SELENOV: variants seen among roughly 807,000 people sequenced by gnomAD.
SELENOV encodes selenoprotein V.
In SELENOV, 25 loss-of-function variants were observed where a neutral mutation model predicts 21.6. The ratio of observed to expected loss-of-function variants is 1.16; its 90% confidence interval spans 0.84 to 1.62. The LOEUF (loss-of-function observed/expected upper bound fraction) is 1.62, where lower values mean the gene tolerates loss of function less well. Among genes scored for constraint, SELENOV ranks in the 40% most tolerant of loss-of-function variants. The pLI is 0.00. For synonymous variants in SELENOV, 227 were observed against 216.9 expected, an observed-to-expected ratio of 1.05 and a Z score of -0.41; for missense variants, 472 against 459.0, an observed-to-expected ratio of 1.03 and a Z score of -0.26.
intron 1 of SELENOV, 149 bp downstream of exon 1, chr19:39,516,170 C>A: frequency 1.4e-6 from 1 of 734,226 alleles, no homozygotes; most frequent in African/African-American, 1.7e-5. Flanking sequence ...AGATTGGAAA[C>A]CCGCTCTTGT....
intron 1 of SELENOV, among the ~76,000 whole-genome samples, chr19:39,517,148 C>G (rs966598745): frequency 6.6e-6 from 1 of 152,054 alleles, no homozygotes; most frequent in African/African-American, 2.4e-5. Context: ...TGTGAGCCAC[C>G]GTGCCCAGCC....
Position 39,518,606 on chromosome 19 carries a change from AG to A in SELENOV, c.810-1del, listed in dbSNP as rs1294672524. 6.2e-7 allele frequency: 1 copy of A among 1,601,702 alleles called. No homozygotes were observed. Among genetic ancestry groups the A allele is most frequent in the East Asian group, 2.2e-5 (1 of 44,670 alleles). ...CTTTCTCCTCCTGCTCTTGGCCTCC[AG>A]TGGCCTCTGAAGCTATAGCCTTCGG... On this transcript the variant is annotated splice_acceptor_variant, in intron 1 of 5. Coordinates refer to ENST00000335426, the Ensembl canonical transcript of SELENOV. LOFTEE classifies it high-confidence loss of function.
Position 39,515,609 on chromosome 19 carries a change from G to A in SELENOV, c.397G>A (p.Gly133Arg), listed in dbSNP as rs1309224069. 6.5e-7 allele frequency: 1 copy of A among 1,548,612 alleles called. No homozygotes were observed. The highest frequency in any genetic ancestry group is 2.0e-5 in the Admixed American group (1 of 51,000). ...CCCAGCCCCAGCCCAGCTCCTGGCA[G>A]GGATTCGGGCCGCGCTCCCCGTCTT... Residue 133 changes from glycine to arginine, a missense_variant, in exon 1 of 6, where the codon GGG (glycine) becomes AGG (arginine). Physicochemically the swap from Gly to Arg is moderately radical, Grantham distance 125. Transcript: ENST00000335426. This position sits in a 1 kb window ranked among gnomAD's most constrained non-coding sequence, Gnocchi z 5.1.
chr19:39,519,057 C>T lies in SELENOV; in HGVS notation c.964-14C>T, dbSNP rs1480598313. On this transcript the variant is annotated splice_polypyrimidine_tract_variant and intron_variant, in intron 4 of 5. Coordinates refer to ENST00000335426, the Ensembl canonical transcript of SELENOV. Reference sequence around the variant, plus strand: ...GGGTGGGAGACCTGTGTGCTTTCTTCCCTCTGTGCCCAGAGGGGTGATGGC... The same window carrying T: ...GGGTGGGAGACCTGTGTGCTTTCTTTCCTCTGTGCCCAGAGGGGTGATGGC... The T allele has an allele frequency of 6.2e-7, 1 of 1,613,652 alleles. No homozygotes were observed. Among genetic ancestry groups the T allele is most frequent in the Non-Finnish European group, 8.5e-7 (1 of 1,179,736 alleles).
Position 39,515,426 on chromosome 19 carries a change from C to G in SELENOV, c.214C>G (p.Leu72Val). 1 of 1,551,654 alleles carries G rather than the reference C, an allele frequency of 6.4e-7. No homozygotes were observed. Among genetic ancestry groups the G allele is most frequent in the African/African-American group, 1.4e-5 (1 of 73,154 alleles). ...TCCTGCTCCAGCCCAGATTCCCACT[C>G]TGGTCCCCACTCCCGCTCTGGCCCG... Residue 72 changes from leucine to valine, a missense_variant, in exon 1 of 6, where the codon CTG becomes GTG. By Grantham distance (32) the Leu-to-Val change is conservative. Coordinates refer to ENST00000335426, the Ensembl canonical transcript of SELENOV. This position sits in a 1 kb window ranked among gnomAD's most constrained non-coding sequence, Gnocchi z 5.1.
chr19:39,516,144 C>A, intron 1 of SELENOV, 123 bp downstream of exon 1: 1 of 840,380 alleles, frequency 1.2e-6, no homozygotes. Flanking sequence ...GGAAGAGCCC[C>A]AGAGTTCCAG....
Position 39,515,521 on chromosome 19 carries a change from C to T in SELENOV, c.309C>T (p.Val103=). Residue 103 remains valine, a synonymous_variant, in exon 1 of 6, where the codon GTC becomes GTT. Transcript: ENST00000335426. This position sits in a 1 kb window ranked among gnomAD's most constrained non-coding sequence, Gnocchi z 5.1. Reference sequence around the variant, plus strand: ...CTCCGGTGCCGACTCCCGTTCCCGTCCGGAACCCAACTCCGGTCCCGACTC... The same window carrying T: ...CTCCGGTGCCGACTCCCGTTCCCGTTCGGAACCCAACTCCGGTCCCGACTC... 3 of 1,551,000 alleles carry T rather than the reference C, an allele frequency of 1.9e-6. No homozygotes were observed. The highest frequency in any genetic ancestry group is 2.6e-6 in the Non-Finnish European group (3 of 1,146,930).
intron 1 of SELENOV, among the ~76,000 whole-genome samples, chr19:39,517,545 A>C (rs2144774532): frequency 6.6e-6 from 1 of 152,230 alleles, no homozygotes; most frequent in South Asian, 2.1e-4. Flanking sequence ...GGCCTCACTG[A>C]GAAGGGGGTA....
In SELENOV at chr19:39,516,395, C is replaced by G. The variant is rs1298667650; in HGVS notation, c.809+374C>G. 6 of 391,922 alleles carry G rather than the reference C, an allele frequency of 1.5e-5. 1 individual carries two copies. The highest frequency in any genetic ancestry group is 2.9e-5 in the Non-Finnish European group (6 of 206,264). 24.3% of individuals were successfully genotyped at this position (391,922 alleles called of 1,614,324 possible). On this transcript the variant is annotated intron_variant, in intron 1 of 5. Coordinates refer to ENST00000335426, the Ensembl canonical transcript of SELENOV. ...GGGCTCTGGCTTCCCTTCCCAGCCT[C>G]TCTCCTGCCCTGGAAGCCTCTCTGG...
intron 1 of SELENOV, among the ~76,000 whole-genome samples, chr19:39,518,100 G>C (rs2079707192): frequency 6.6e-6 from 1 of 151,188 alleles, no homozygotes; most frequent in Non-Finnish European, 1.5e-5. Flanking sequence ...GTGAAACCCG[G>C]TCTCTACTAA....
At chr19:39,517,991 A>AAAAAAAAAAAAAAAGG (rs374863818) in intron 1 of SELENOV, among the ~76,000 whole-genome samples, 1 of 92,012 alleles carries the variant, frequency 1.1e-5, no homozygotes, top group South Asian at 3.6e-4. Flanking sequence ...AAAAAAAAAA[A>AAAAAAAAAAAAAAAGG]GCCCAGCGCG....
chr19:39,515,686 T>C lies in SELENOV; in HGVS notation c.474T>C (p.Ala158=). Residue 158 remains alanine, a synonymous_variant, in exon 1 of 6, where the codon GCT becomes GCC. Transcript: ENST00000335426. The surrounding 1 kb of genome is among the most constrained non-coding windows in gnomAD (Gnocchi z 5.1). ...CTTTGGATCCGCCCCCGGAACCTGC[T>C]CCGGAGCTGCCTTTGTTGCCCGAGG... The C allele has an allele frequency of 1.3e-6, 2 of 1,548,948 alleles. No homozygotes were observed. The highest frequency in any genetic ancestry group is 1.7e-6 in the Non-Finnish European group (2 of 1,146,792).
rs1467081454 is a variant in SELENOV at position 39,515,271 on chromosome 19, G to C, written c.59G>C (p.Arg20Pro). 1 of 1,550,724 alleles carries C rather than the reference G, an allele frequency of 6.4e-7. No homozygotes were observed. Among genetic ancestry groups the C allele is most frequent in the Non-Finnish European group, 8.7e-7 (1 of 1,146,876 alleles). ...TCGGCGCGGACTTCAACCTCAGTCC[G>C]GGCTTCTACCCCGACCCGGACACCG... Residue 20 changes from arginine to proline, a missense_variant, in exon 1 of 6, where the codon CGG becomes CCG. Physicochemically the swap from Arg to Pro is moderately radical, Grantham distance 103 (BLOSUM62 -2). Coordinates refer to ENST00000335426, the Ensembl canonical transcript of SELENOV. The surrounding 1 kb of genome is among the most constrained non-coding windows in gnomAD (Gnocchi z 5.1).
rs967675804 is a variant in SELENOV at position 39,519,178 on chromosome 19, T to C, written c.*22+8T>C. On this transcript the variant is annotated splice_region_variant and intron_variant, in intron 5 of 5. Transcript: ENST00000335426. ...CAAGGGGTGGAGCTGGAGGTGAGCG[T>C]GGAGCTCCCAAGGCTGCGGTGGGAG... 1 of 1,604,180 alleles carries C rather than the reference T, an allele frequency of 6.2e-7. No individual in the cohort carries two copies. The highest frequency in any genetic ancestry group is 1.3e-5 in the African/African-American group (1 of 74,602).
chr19:39,518,341 C>A, intron 1 of SELENOV: 1 of 518,682 alleles, frequency 1.9e-6, no homozygotes, highest in African/African-American at 2.0e-5. Context: ...CTAGGGGCTT[C>A]TGTGGCTGGC....
At chr19:39,517,991 A>AAG (rs374863818) in intron 1 of SELENOV, among the ~76,000 whole-genome samples, 4 of 92,012 alleles carry the variant, frequency 4.3e-5, no homozygotes, top group South Asian at 7.2e-4. Context: ...AAAAAAAAAA[A>AAG]GCCCAGCGCG....
chr19:39,518,414 C>T, intron 1 of SELENOV, 194 bp from the exon 2 acceptor site: 1 of 626,012 alleles, frequency 1.6e-6, no homozygotes, highest in Non-Finnish European at 2.9e-6. Flanking sequence ...GAAGGCAGAT[C>T]CTGTGGTGGC....
chr19:39,515,913 T>A lies in SELENOV; in HGVS notation c.701T>A (p.Leu234Gln). ...CCCAGTCCTGTCCCCTCGCCCATCCTGGGGACCATCCCGTCGGCCATCTCC... is the reference window on the plus strand; with the variant it reads ...CCCAGTCCTGTCCCCTCGCCCATCCAGGGGACCATCCCGTCGGCCATCTCC... Residue 234 changes from leucine (L) to glutamine (Q), a missense_variant, in exon 1 of 6, where the codon CTG becomes CAG. Leu to Gln is a moderately radical substitution (Grantham distance 113). Transcript: ENST00000335426. The surrounding 1 kb of genome is among the most constrained non-coding windows in gnomAD (Gnocchi z 5.1). 1 of 1,599,412 alleles carries A rather than the reference T, an allele frequency of 6.3e-7. No homozygotes were observed. Among genetic ancestry groups the A allele is most frequent in the South Asian group, 1.1e-5 (1 of 88,224 alleles).
chr19:39,518,555 G>T, intron 1 of SELENOV, 53 bp from the exon 2 acceptor site: 2 of 1,538,230 alleles, frequency 1.3e-6, no homozygotes, highest in Middle Eastern at 1.7e-4. Context: ...ATACTGATGC[G>T]GTGTCTTCCC....
Sources: allele counts gnomAD v4.1 joint callset (sites outside exome capture counted in the v4.1 genomes callset), GRCh38; gene constraint gnomAD v4.1.1; non-coding constraint Gnocchi (gnomAD v3.1); transcripts MANE v1.5; gene names NCBI Gene and HGNC (gene_info 2026-07-23, HGNC 2026-07-21).